The following LINGO1 variants were observed in gnomAD, a reference collection of about 807,000 sequenced individuals.
The protein encoded by LINGO1 is leucine-rich repeat and immunoglobulin-like domain-containing nogo receptor-interacting protein 1.
In LINGO1, 11 loss-of-function variants were observed where a neutral mutation model predicts 37.3. The ratio of observed to expected loss-of-function variants is 0.29; its 90% CI spans 0.19 to 0.49. LINGO1 has a LOEUF of 0.49. Among genes scored for constraint, LINGO1 ranks in the 20% least tolerant of loss-of-function variants. The pLI, the probability that LINGO1 is intolerant of heterozygous loss-of-function variation, is 0.99. For missense variants in LINGO1, 585 were observed against 878.2 expected, an observed-to-expected ratio of 0.67 and a Z score of 4.22; for synonymous variants, 387 against 403.0, an observed-to-expected ratio of 0.96 and a Z score of 0.48.
At chr15:77,737,852 G>C (rs1422246076) in intron 1 of LINGO1, among the ~76,000 whole-genome samples, 2 of 151,424 alleles carry the variant, frequency 1.3e-5, no homozygotes, top group African/African-American at 4.8e-5. Flanking sequence ...CGAGGCCCCA[G>C]GGCTCACCAG....
chr15:77,636,186 C>T (rs1596024930), upstream of LINGO1, among the ~76,000 whole-genome samples: 1 of 152,306 alleles, frequency 6.6e-6, no homozygotes, highest in East Asian at 1.9e-4. Context: ...TAGTCCTGCT[C>T]TCCTTTCACT....
chr15:77,792,830 T>C (rs1199284456), intron 2 of LINGO1, among the ~76,000 whole-genome samples: 2 of 152,198 alleles, frequency 1.3e-5, no homozygotes, highest in Non-Finnish European at 2.9e-5. Flanking sequence ...AGGCGCTCAG[T>C]GAGTATGCGC....
intron 1 of LINGO1, among the ~76,000 whole-genome samples, chr15:77,627,031 C>T (rs1233577806): frequency 6.6e-6 from 1 of 151,296 alleles, no homozygotes; most frequent in Non-Finnish European, 1.5e-5. Flanking sequence ...CACCCCCTCC[C>T]AGAGGCGAGA....
intron 1 of LINGO1, among the ~76,000 whole-genome samples, chr15:77,778,446 G>A (rs372858550): frequency 3.9e-5 from 6 of 152,184 alleles, no homozygotes; most frequent in South Asian, 2.1e-4. Flanking sequence ...GCTCAACACC[G>A]CATCCCAGAC....
At chr15:77,696,847 C>A (rs114862217), upstream of LINGO1, among the ~76,000 whole-genome samples, 5 of 152,378 alleles carry the variant, frequency 3.3e-5, no homozygotes, top group African/African-American at 1.2e-4. Flanking sequence ...CCCCAATTTG[C>A]AGGCTTAGAG....
At chr15:77,635,227 T>C (rs992061484), upstream of LINGO1, among the ~76,000 whole-genome samples, 1 of 152,168 alleles carries the variant, frequency 6.6e-6, no homozygotes, top group Non-Finnish European at 1.5e-5. Flanking sequence ...GCCATTCCCC[T>C]TTCCCTTTGT....
At chr15:77,817,152 C>G (rs1168565147) in intron 1 of LINGO1, among the ~76,000 whole-genome samples, 1 of 152,192 alleles carries the variant, frequency 6.6e-6, no homozygotes, top group African/African-American at 2.4e-5. Flanking sequence ...TGGTAACTCC[C>G]GGGCAACAGC....
chr15:77,784,213 G>A (rs1004646832), intron 1 of LINGO1, among the ~76,000 whole-genome samples: 2 of 152,268 alleles, frequency 1.3e-5, no homozygotes, highest in Non-Finnish European at 2.9e-5. Flanking sequence ...AGAAGAGGAA[G>A]AATTGGCCTC....
intron 1 of LINGO1, among the ~76,000 whole-genome samples, chr15:77,781,136 A>C (rs995502608): frequency 6.6e-6 from 1 of 152,228 alleles, no homozygotes; most frequent in Admixed American, 6.5e-5. Flanking sequence ...TCTGCTGAGG[A>C]GCACAGGGAC....
At chr15:77,716,137 G>A (rs971157138) in intron 2 of LINGO1, among the ~76,000 whole-genome samples, 1 of 151,156 alleles carries the variant, frequency 6.6e-6, no homozygotes. Flanking sequence ...ATAAACTTCA[G>A]TGACTTCTCC....
intron 1 of LINGO1, among the ~76,000 whole-genome samples, chr15:77,691,958 A>G (rs2075611962): frequency 6.6e-6 from 1 of 152,196 alleles, no homozygotes; most frequent in Admixed American, 6.5e-5. Context: ...GATCCATTTT[A>G]CAGGAGGAGC....
At chr15:77,745,796 T>G (rs1794447792) in intron 1 of LINGO1, among the ~76,000 whole-genome samples, 1 of 152,106 alleles carries the variant, frequency 6.6e-6, no homozygotes, top group Admixed American at 6.5e-5. Flanking sequence ...TCGGGCAAAC[T>G]TTGCCATATT....
chr15:77,700,380 G>T (rs990194831), upstream of LINGO1, among the ~76,000 whole-genome samples: 2 of 152,208 alleles, frequency 1.3e-5, no homozygotes, highest in Non-Finnish European at 2.9e-5. Flanking sequence ...AACTGTGTGG[G>T]CCTCACCTAG....
intron 2 of LINGO1, among the ~76,000 whole-genome samples, chr15:77,682,853 T>C: frequency 6.6e-6 from 1 of 151,816 alleles, no homozygotes; most frequent in Non-Finnish European, 1.5e-5. Context: ...GACGCGAAAC[T>C]CCGAAGCCCT....
At chr15:77,798,870 A>G in intron 1 of LINGO1, among the ~76,000 whole-genome samples, 1 of 152,216 alleles carries the variant, frequency 6.6e-6, no homozygotes, top group Non-Finnish European at 1.5e-5. Context: ...AAGGACTCTG[A>G]CAAAGTGGGT....
intron 1 of LINGO1, among the ~76,000 whole-genome samples, chr15:77,816,688 C>T (rs1467971886): frequency 6.6e-6 from 1 of 152,140 alleles, no homozygotes; most frequent in African/African-American, 2.4e-5. Flanking sequence ...CTGGAATTTT[C>T]ATCCCCGGCA....
At chr15:77,686,072 C>G (rs1417630405) in intron 2 of LINGO1, among the ~76,000 whole-genome samples, 2 of 152,044 alleles carry the variant, frequency 1.3e-5, no homozygotes, top group Non-Finnish European at 2.9e-5. Context: ...GGTGTGAGTG[C>G]CTGGAAATCC....
intron 2 of LINGO1, among the ~76,000 whole-genome samples, chr15:77,702,537 G>T (rs1265928931): frequency 6.6e-6 from 1 of 152,156 alleles, no homozygotes; most frequent in Non-Finnish European, 1.5e-5. Flanking sequence ...AGCACAACAT[G>T]CCATGGCCTT....
At chr15:77,634,000 C>T (rs368607867), upstream of LINGO1, among the ~76,000 whole-genome samples, 18 of 152,226 alleles carry the variant, frequency 1.2e-4, no homozygotes, top group African/African-American at 4.1e-4. Flanking sequence ...GCCATCCCTC[C>T]TCCCCTGCTG....
Sources: gnomAD v4.1 joint callset for allele counts (sites outside exome capture counted in the v4.1 genomes callset) on GRCh38, gnomAD v4.1.1 for gene constraint, MANE v1.5 for transcripts, NCBI Gene and HGNC (gene_info 2026-07-23, HGNC 2026-07-21) for gene names.